The following KIAA1549L variants were observed in gnomAD, a reference collection of about 807,000 sequenced individuals.
KIAA1549L encodes KIAA1549 like, also known as UPF0606 protein KIAA1549L.
KIAA1549L carries 88 observed loss-of-function variants against 160.7 expected under a neutral mutation model. That is an observed-to-expected ratio of 0.55 (90% CI 0.46 to 0.65). The LOEUF is 0.65. Ranked by LOEUF, KIAA1549L falls within the 30% of genes least tolerant of loss-of-function variation. The pLI is 0.00. For synonymous variants in KIAA1549L, 950 were observed against 976.7 expected (o/e 0.97, Z 0.51); for missense variants, 2,258 against 2,437.5 (o/e 0.93, Z 1.55).
At position 33,376,236 on chromosome 11, in the gene KIAA1549L, T is replaced by TGCA. The variant is rs1383320209; in HGVS notation, c.-413_-411dup. On this transcript the variant is annotated 5_prime_UTR_variant, in exon 1 of 21. Transcript: ENST00000658780. This position sits in a 1 kb window ranked among gnomAD's most constrained non-coding sequence, Gnocchi z 5.8. ...AGCCAGGACAGCGGGGCGCCGAGGC[T>TGCA]GCAGCGGCGGCGGGAGGGAGGGACC... Among the ~76,000 whole-genome samples, 1 of 148,030 alleles carries TGCA rather than the reference T, an allele frequency of 6.8e-6. No individual in the cohort carries two copies. The highest frequency in any genetic ancestry group is 6.7e-5 in the Admixed American group (1 of 14,958).
intron 1 of KIAA1549L, among the ~76,000 whole-genome samples, chr11:33,390,742 T>C (rs559949654): frequency 6.6e-6 from 1 of 152,338 alleles, no homozygotes; most frequent in African/African-American, 2.4e-5. Context: ...CAACTTCACA[T>C]GTTGGTAAGC....
chr11:33,646,890 ACAT>A (rs1355913587), intron 17 of KIAA1549L, among the ~76,000 whole-genome samples: 2 of 151,940 alleles, frequency 1.3e-5, no homozygotes, highest in East Asian at 1.9e-4. Flanking sequence ...TCCCAAATAA[ACAT>A]CATTATTTTT....
chr11:33,661,895 AAAAAAAAAAAAG>A (rs1328383603), intron 20 of KIAA1549L, among the ~76,000 whole-genome samples: 2 of 150,848 alleles, frequency 1.3e-5, no homozygotes, highest in Non-Finnish European at 3.0e-5. Context: ...AAAAAAAAAA[AAAAAAAAAAAAG>A]AAACCCAAGA....
chr11:33,656,443 C>T (rs1852068058), intron 18 of KIAA1549L, among the ~76,000 whole-genome samples: 1 of 152,154 alleles, frequency 6.6e-6, no homozygotes, highest in East Asian at 1.9e-4. Context: ...TACCAAAAGT[C>T]CCTTGGTTAT....
intron 1 of KIAA1549L, among the ~76,000 whole-genome samples, chr11:33,385,478 A>G (rs1022088718): frequency 6.6e-6 from 1 of 152,238 alleles, no homozygotes; most frequent in Admixed American, 6.5e-5. Flanking sequence ...GTGACAACCA[A>G]AAATGTTTCC....
chr11:33,398,080 C>T (rs1226986391), intron 1 of KIAA1549L, among the ~76,000 whole-genome samples: 1 of 151,438 alleles, frequency 6.6e-6, no homozygotes, highest in East Asian at 2.0e-4. Context: ...TGCCACCATG[C>T]CTGGCTAATT....
chr11:33,666,552 A>G (rs1232324950), intron 20 of KIAA1549L, among the ~76,000 whole-genome samples: 18 of 152,088 alleles, frequency 1.2e-4, no homozygotes, highest in African/African-American at 2.4e-5. Flanking sequence ...TAGTGTTCCA[A>G]TTAACATCAT....
chr11:33,541,451 G>A (rs1414669427), intron 1 of KIAA1549L, among the ~76,000 whole-genome samples: 1 of 152,206 alleles, frequency 6.6e-6, no homozygotes, highest in Non-Finnish European at 1.5e-5. Context: ...CCTGGATGAG[G>A]TTGTTTTGGT....
intron 1 of KIAA1549L, among the ~76,000 whole-genome samples, chr11:33,433,809 G>A (rs1851300703): frequency 6.6e-6 from 1 of 152,134 alleles, no homozygotes; most frequent in Admixed American, 6.5e-5. Context: ...GAAGCTGGAA[G>A]CCATCATCCT....
chr11:33,666,002 C>T (rs541378828), intron 20 of KIAA1549L, among the ~76,000 whole-genome samples: 1 of 152,274 alleles, frequency 6.6e-6, no homozygotes, highest in African/African-American at 2.4e-5. Context: ...TCTCTGGCTC[C>T]TGCCTGCTCC....
At chr11:33,611,359 G>C (rs575226150) in intron 15 of KIAA1549L, among the ~76,000 whole-genome samples, 3 of 152,188 alleles carry the variant, frequency 2.0e-5, no homozygotes, top group Non-Finnish European at 4.4e-5. Context: ...AAGCAAAAAT[G>C]ACTTTGTGAC....
At chr11:33,651,899 TCCCCTCCCCTCCCCTC>T (rs1851905142) in intron 17 of KIAA1549L, among the ~76,000 whole-genome samples, 1 of 30,334 alleles carries the variant, frequency 3.3e-5, no homozygotes, top group South Asian at 2.6e-3. Flanking sequence ...CTCCCCCCCT[TCCCCTCCCCTCCCCTC>T]CCCCTCCCTC....
rs781144136 is a variant in KIAA1549L at position 33,668,095 on chromosome 11, C to T, written c.6382C>T (p.Arg2128Trp). Reference protein sequence around the residue: ...ISTAALVKAIREEVAKLAKKQ... With the variant: ...ISTAALVKAIWEEVAKLAKKQ... ...CACTGCGGCCCTTGTGAAGGCCATCCGGGAGGAGGTGGCCAAGCTGGCCAA... is the reference window on the plus strand; with the variant it reads ...CACTGCGGCCCTTGTGAAGGCCATCTGGGAGGAGGTGGCCAAGCTGGCCAA... Residue 2128 changes from arginine (R) to tryptophan (W), a missense_variant, in exon 21 of 21, where the codon CGG (arginine) becomes TGG (tryptophan). Transcript: ENST00000658780. 8 of 1,613,972 alleles carry T rather than the reference C, an allele frequency of 5.0e-6. No homozygotes were observed. The highest frequency in any genetic ancestry group is 2.2e-5 in the East Asian group (1 of 44,876).
chr11:33,650,026 T>C (rs540784232), intron 17 of KIAA1549L, among the ~76,000 whole-genome samples: 1 of 152,186 alleles, frequency 6.6e-6, no homozygotes, highest in South Asian at 2.1e-4. Context: ...TATACAAAAG[T>C]TATTAGTGGT....
intron 1 of KIAA1549L, among the ~76,000 whole-genome samples, chr11:33,472,882 AC>A (rs1852209689): frequency 6.6e-6 from 1 of 152,060 alleles, no homozygotes; most frequent in African/African-American, 2.4e-5. Flanking sequence ...GCTTCTACTT[AC>A]CTCCAGGCTG....
rs562265043 is a variant in KIAA1549L at position 33,565,627 on chromosome 11, C to G, written c.4079-2449C>G. 2.6e-5 allele frequency among the ~76,000 whole-genome samples: 4 copies of G among 151,850 alleles called. No individual in the cohort carries two copies. In the East Asian group the frequency reaches 7.8e-4, roughly 29 times the overall value. On this transcript the variant is annotated intron_variant, in intron 8 of 20. Transcript: ENST00000658780. ...ACATTCTCTTTGCAAAGAGTGGTGA[C>G]AAAGCTGTGGAGATTGTCCAGTTGA...
At position 33,552,162 on chromosome 11, in the gene KIAA1549L, C is replaced by T; in HGVS notation, c.3776C>T (p.Thr1259Ile). ...ATACAGTCCTGCAAGTTTGCTCAGA[C>T]AATGGAACAGAGGCTGCAGAAGGCA... ...DNIQSCKFAQ[T>I]MEQRLQKAFQ... is the part of the protein sequence containing the mutation. The change falls in exon 6 of 21, where the codon ACA (threonine) becomes ATA (isoleucine). Residue 1259 changes from threonine (T) to isoleucine (I), a missense_variant. Thr to Ile is a moderately conservative substitution (Grantham distance 89, BLOSUM62 -1). Coordinates refer to ENST00000658780, the MANE Select transcript of KIAA1549L (RefSeq NM_012194.3). 1 of 1,612,924 alleles carries T rather than the reference C, an allele frequency of 6.2e-7. No homozygotes were observed. The highest frequency in any genetic ancestry group is 2.2e-5 in the East Asian group (1 of 44,822).
intron 1 of KIAA1549L, among the ~76,000 whole-genome samples, chr11:33,434,096 A>G (rs1275017577): frequency 7.1e-6 from 1 of 141,024 alleles, no homozygotes; most frequent in Admixed American, 7.2e-5. Flanking sequence ...CAAAAAAAAA[A>G]GAATATGGTA....
chr11:33,573,204 A>G (rs1855326748), intron 9 of KIAA1549L, among the ~76,000 whole-genome samples: 1 of 152,218 alleles, frequency 6.6e-6, no homozygotes, highest in South Asian at 2.1e-4. Context: ...GGACACTAAT[A>G]AAAAGAATCC....
Sources: gnomAD v4.1 joint callset for allele counts (sites outside exome capture counted in the v4.1 genomes callset) on GRCh38, gnomAD v4.1.1 for gene constraint, Gnocchi (gnomAD v3.1) non-coding constraint, MANE v1.5 for transcripts, NCBI Gene and HGNC (gene_info 2026-07-23, HGNC 2026-07-21) for gene names.